NMRK1: variants seen among roughly 807,000 people sequenced by gnomAD.
NMRK1 encodes nicotinamide riboside kinase 1.
In NMRK1, 28 loss-of-function variants were observed where a neutral mutation model predicts 29.9. The observed-to-expected ratio is 0.94, with a 90% CI of 0.69 to 1.28. The LOEUF (loss-of-function observed/expected upper bound fraction) is 1.28. Among genes scored for constraint, NMRK1 ranks in the 50% most tolerant of loss-of-function variants. The pLI, the probability that NMRK1 is intolerant of heterozygous loss-of-function variation, is 0.00. For missense variants in NMRK1, 218 were observed against 233.1 expected (o/e 0.94, Z 0.42); for synonymous variants, 58 against 73.0 (o/e 0.79, Z 1.05).
intron 8 of NMRK1, among the ~76,000 whole-genome samples, chr9:75,065,302 TG>T (rs1380391932): frequency 6.6e-6 from 1 of 152,106 alleles, no homozygotes; most frequent in African/African-American, 2.4e-5. Flanking sequence ...CCCGGGTAGC[TG>T]GGACTGCAGG....
At chr9:75,086,262 T>G (rs557300328) in intron 1 of NMRK1, among the ~76,000 whole-genome samples, 1 of 152,290 alleles carries the variant, frequency 6.6e-6, no homozygotes, top group East Asian at 1.9e-4. Context: ...GCAATTGAGT[T>G]GCCAGGCTTC....
chr9:75,063,846 A>G (rs1299951630), intron 8 of NMRK1, among the ~76,000 whole-genome samples: 1 of 152,222 alleles, frequency 6.6e-6, no homozygotes, highest in Non-Finnish European at 1.5e-5. Context: ...AAGAAATAGG[A>G]AAGGTGATAG....
intron 4 of NMRK1, among the ~76,000 whole-genome samples, chr9:75,075,586 A>C (rs9919073): frequency 0.76 from 115,346 of 152,178 alleles, 44,450 homozygotes; most frequent in African/African-American, 0.89. Flanking sequence ...TTAATAAGAT[A>C]ATCAAATATT....
intron 6 of NMRK1, 61 bp from the exon 7 acceptor site, chr9:75,069,163 T>A (rs1455323617): frequency 5.1e-5 from 60 of 1,183,480 alleles, no homozygotes; most frequent in Non-Finnish European, 7.3e-5. Flanking sequence ...AAGTAAAATA[T>A]GAATGGTCAG....
At chr9:75,068,655 T>C (rs1823510150) in intron 7 of NMRK1, among the ~76,000 whole-genome samples, 1 of 152,226 alleles carries the variant, frequency 6.6e-6, no homozygotes, top group Admixed American at 6.5e-5. Context: ...TTACAGCAGC[T>C]GGAAAGGACA....
At chr9:75,079,829 A>G (rs772223685) in intron 2 of NMRK1, among the ~76,000 whole-genome samples, 6 of 152,216 alleles carry the variant, frequency 3.9e-5, no homozygotes, top group Non-Finnish European at 5.9e-5. Flanking sequence ...GGAAAGGAAT[A>G]GGAACATTTT....
At chr9:75,063,602 T>A (rs1238485996) in intron 8 of NMRK1, among the ~76,000 whole-genome samples, 2 of 152,288 alleles carry the variant, frequency 1.3e-5, no homozygotes, top group East Asian at 3.9e-4. Flanking sequence ...TTAAATTCAG[T>A]CTTTCTTGTT....
intron 1 of NMRK1, among the ~76,000 whole-genome samples, chr9:75,085,841 T>C (rs1824594796): frequency 7.3e-6 from 1 of 137,740 alleles, no homozygotes; most frequent in South Asian, 2.4e-4. Flanking sequence ...GCATACCCTA[T>C]CAGCTATGAG....
chr9:75,077,784 C>T (rs966170762), intron 2 of NMRK1, among the ~76,000 whole-genome samples: 20 of 152,032 alleles, frequency 1.3e-4, no homozygotes, highest in Middle Eastern at 6.8e-3. Context: ...TACAGGTGCC[C>T]GCCACCATGC....
At chr9:75,070,804 T>A (rs1176167738) in intron 4 of NMRK1, among the ~76,000 whole-genome samples, 1 of 152,204 alleles carries the variant, frequency 6.6e-6, no homozygotes, top group Non-Finnish European at 1.5e-5. Flanking sequence ...TTTTTCTTTG[T>A]TCTGGTGTTA....
At chr9:75,079,879 T>C (rs1029850253) in intron 2 of NMRK1, among the ~76,000 whole-genome samples, 6 of 152,180 alleles carry the variant, frequency 3.9e-5, no homozygotes, top group Non-Finnish European at 8.8e-5. Flanking sequence ...AGCTTGCGTG[T>C]GCTACCCAAC....
chr9:75,062,426 C>T (rs978841278), intron 8 of NMRK1, among the ~76,000 whole-genome samples: 2 of 152,060 alleles, frequency 1.3e-5, no homozygotes, highest in Admixed American at 1.3e-4. Context: ...CATGTTTCTT[C>T]TGTACTAAAG....
intron 4 of NMRK1, among the ~76,000 whole-genome samples, chr9:75,076,209 G>C (rs1480942103): frequency 6.6e-6 from 1 of 152,188 alleles, no homozygotes; most frequent in Non-Finnish European, 1.5e-5. Flanking sequence ...AACAAAGAAA[G>C]TATGGTGTGT....
chr9:75,069,311 C>T, intron 6 of NMRK1: 1 of 542,480 alleles, frequency 1.8e-6, no homozygotes, highest in Admixed American at 3.3e-5. Flanking sequence ...TTGTAATCCA[C>T]TGACTATCAT....
intron 2 of NMRK1, chr9:75,078,575 G>A: frequency 7.9e-7 from 1 of 1,266,546 alleles, no homozygotes. Context: ...TTAACCTGGG[G>A]CTCATGTCTG....
At chr9:75,075,668 C>G (rs1406267107) in intron 4 of NMRK1, among the ~76,000 whole-genome samples, 1 of 152,162 alleles carries the variant, frequency 6.6e-6, no homozygotes, top group Non-Finnish European at 1.5e-5. Flanking sequence ...GGCTTCAAAA[C>G]TGTGAGCTTG....
intron 8 of NMRK1, among the ~76,000 whole-genome samples, chr9:75,064,293 A>G (rs1055149190): frequency 6.6e-6 from 1 of 152,174 alleles, no homozygotes; most frequent in African/African-American, 2.4e-5. Context: ...AGCACTGGCC[A>G]TTGCTGAGAA....
chr9:75,083,331 C>G (rs1432974115), intron 1 of NMRK1, among the ~76,000 whole-genome samples, 181 bp from the exon 2 acceptor site: 2 of 152,188 alleles, frequency 1.3e-5, no homozygotes, highest in South Asian at 2.1e-4. Context: ...TGAGTGCCAA[C>G]CACTGGGGTG....
At position 75,069,783 on chromosome 9, in the gene NMRK1, A is replaced by T; in HGVS notation, c.348T>A (p.Tyr116Ter). The change falls in exon 6 of 9, where the codon TAT (tyrosine) becomes TAA (stop). Residue 116 changes from tyrosine to a stop codon, truncating the protein, a stop_gained. Coordinates refer to ENST00000361092, the MANE Select transcript of NMRK1 (RefSeq NM_017881.3). LOFTEE classifies it high-confidence loss of function. ...ATTCTTCATATGGAATAGTCAGGAA[A>T]TAGCTTCTATTCCATATAGTGTCAA... ...KPLDTIWNRS[Y>*]FLTIPYEECK... is the part of the protein sequence containing the mutation. The T allele has an allele frequency of 3.1e-6, 5 of 1,612,614 alleles. No homozygotes were observed. Among genetic ancestry groups the T allele is most frequent in the Non-Finnish European group, 4.2e-6 (5 of 1,179,138 alleles).
Sources: gnomAD v4.1 joint callset for allele counts (sites outside exome capture counted in the v4.1 genomes callset) on GRCh38, gnomAD v4.1.1 for gene constraint, MANE v1.5 for transcripts, NCBI Gene and HGNC (gene_info 2026-07-23, HGNC 2026-07-21) for gene names.